Variants in LOX observed in about 807,000 individuals in gnomAD.
LOX encodes the protein lysyl oxidase, also known as protein-lysine 6-oxidase.
A neutral mutation model predicts 50.5 loss-of-function variants in LOX; 12 were observed. The observed-to-expected ratio is 0.24, with a 90% CI of 0.15 to 0.38. The LOEUF is 0.38. Among genes scored for constraint, LOX ranks in the 10% least tolerant of loss-of-function variants. The probability of loss-of-function intolerance (pLI) is 1.00; values close to 1 mark genes in which losing one functional copy is unlikely to be tolerated. For missense variants in LOX, 504 were observed against 563.8 expected (o/e 0.89, Z 1.07); for synonymous variants, 254 against 230.6 (o/e 1.10, Z -0.92).
At chr5:122,069,977 C>T in intron 6 of LOX, 76 bp downstream of exon 6, 1 of 1,013,648 alleles carries the variant, frequency 9.9e-7, no homozygotes, top group Non-Finnish European at 1.6e-6. Flanking sequence ...GAAACAGATA[C>T]ATTCTATGTA....
rs926517108 is a variant in LOX at position 122,066,102 on chromosome 5, G to A, written c.*641C>T. ...TTGACTCAAGTCAAAATGAAATTGT[G>A]CACTTGAAAGAAAGGAAGTTATCTA... On this transcript the variant is annotated 3_prime_UTR_variant, in exon 7 of 7. Transcript: ENST00000231004. 2 of 152,044 alleles carry A rather than the reference G, an allele frequency of 1.3e-5. No homozygotes were observed. The highest frequency in any genetic ancestry group is 6.6e-5 in the Admixed American group (1 of 15,244). The allele number at this position is 152,044 out of a possible 1,614,324, so 9.4% of individuals were successfully genotyped here.
intron 2 of LOX, among the ~76,000 whole-genome samples, chr5:122,076,316 T>C (rs1005851198): frequency 6.6e-6 from 1 of 152,214 alleles, no homozygotes; most frequent in African/African-American, 2.4e-5. Context: ...CTCTGCTGTT[T>C]CCCAGCAGTA....
intron 4 of LOX, among the ~76,000 whole-genome samples, chr5:122,073,102 C>T (rs2152588998): frequency 1.3e-5 from 2 of 152,290 alleles, no homozygotes. Context: ...AAACAGCTTC[C>T]TGCCACAGCC....
intron 6 of LOX, 91 bp from the exon 7 acceptor site, chr5:122,066,840 A>C (rs1310215637): frequency 1.3e-6 from 1 of 789,854 alleles, no homozygotes; most frequent in Non-Finnish European, 2.2e-6. Context: ...CCTTTTAAAA[A>C]CTTTATGCAA....
At chr5:122,068,578 G>A (rs6863233) in intron 6 of LOX, among the ~76,000 whole-genome samples, 3,575 of 152,246 alleles carry the variant, frequency 0.023, 140 homozygotes, top group African/African-American at 0.081. Flanking sequence ...GTGAGAGGCT[G>A]CAAGGTGGCA....
intron 2 of LOX, 107 bp downstream of exon 2, chr5:122,076,786 C>G (rs993585576): frequency 1.7e-5 from 15 of 907,262 alleles, no homozygotes; most frequent in East Asian, 2.5e-5. Flanking sequence ...GCTCTTGTCC[C>G]ACTTCCTAAC....
At chr5:122,066,786 C>A in intron 6 of LOX, 37 bp from the exon 7 acceptor site, 1 of 1,365,096 alleles carries the variant, frequency 7.3e-7, no homozygotes, top group Non-Finnish European at 1.0e-6. Context: ...AATTATTAAC[C>A]TGATAATATA....
rs372184900 is a variant in LOX at position 122,077,323 on chromosome 5, C to A, written c.631+32G>T. ...GCCACATAGCTGGGGACCAGGTGCA[C>A]GGGTGCTTCCAGCGGACTTGGGGGT... On this transcript the variant is annotated intron_variant, in intron 1 of 6. Coordinates refer to ENST00000231004, the MANE Select transcript of LOX (RefSeq NM_002317.7). This position sits in a 1 kb window ranked among gnomAD's most constrained non-coding sequence, Gnocchi z 4.9. The A allele has an allele frequency of 2.5e-6, 4 of 1,612,874 alleles. No individual in the cohort carries two copies. The highest frequency in any genetic ancestry group is 3.4e-6 in the Non-Finnish European group (4 of 1,179,806).
At chr5:122,069,984 T>C (rs757576137) in intron 6 of LOX, 69 bp downstream of exon 6, 5 of 1,041,690 alleles carry the variant, frequency 4.8e-6, no homozygotes, top group Admixed American at 3.4e-5. Context: ...ATACATTCTA[T>C]GTATAATGTT....
chr5:122,068,980 G>A (rs1368011543), intron 6 of LOX, among the ~76,000 whole-genome samples: 1 of 152,024 alleles, frequency 6.6e-6, no homozygotes, highest in African/African-American at 2.4e-5. Context: ...CACACAATAT[G>A]GGCCATAAAA....
In LOX at chr5:122,065,944, C is replaced by G. The variant is rs1288812876; in HGVS notation, c.*799G>C. 1 of 151,948 alleles carries G rather than the reference C, an allele frequency of 6.6e-6. No individual in the cohort carries two copies. The highest frequency in any genetic ancestry group is 1.9e-4 in the East Asian group (1 of 5,172). 9.4% of individuals were successfully genotyped at this position (151,948 alleles called of 1,614,324 possible). A position where few individuals can be genotyped will look rare whatever the true frequency, so the allele number is the denominator to read the frequency against. ...ACGGCTGCCTTATGTATACCAGTCC[C>G]AAGAATGGTGATATTAAGAATCCCA... On this transcript the variant is annotated 3_prime_UTR_variant, in exon 7 of 7. Transcript: ENST00000231004.
intron 6 of LOX, among the ~76,000 whole-genome samples, chr5:122,068,047 T>G (rs1410657842): frequency 6.6e-6 from 1 of 152,052 alleles, no homozygotes; most frequent in Non-Finnish European, 1.5e-5. Flanking sequence ...CCACTCAGAA[T>G]AAGTATGACA....
chr5:122,072,916 G>GCA (rs1754492284), intron 4 of LOX, among the ~76,000 whole-genome samples: 1 of 152,192 alleles, frequency 6.6e-6, no homozygotes, highest in East Asian at 1.9e-4. Context: ...CACAGGACTT[G>GCA]CAGATCACTG....
At position 122,076,880 on chromosome 5, in the gene LOX, TATC is replaced by T. The variant is rs1561420714; in HGVS notation, c.740+10_740+12del. ...AGACCGGGGAGCGGGGCCTCAGACATATCAGCCCGTACCTGGCCAGACAGTTTT... is the reference window on the plus strand; with the variant it reads ...AGACCGGGGAGCGGGGCCTCAGACATAGCCCGTACCTGGCCAGACAGTTTT... On this transcript the variant is annotated intron_variant, in intron 2 of 6. Transcript: ENST00000231004. 4 of 1,612,624 alleles carry T rather than the reference TATC, an allele frequency of 2.5e-6. 1 individual carries two copies. Among genetic ancestry groups the T allele is most frequent in the Admixed American group, 3.3e-5 (2 of 60,014 alleles).
intron 4 of LOX, among the ~76,000 whole-genome samples, chr5:122,071,193 A>ATGTG (rs35544795): frequency 0.019 from 2,887 of 149,920 alleles, 56 homozygotes; most frequent in African/African-American, 0.051. Context: ...AAACATTTAT[A>ATGTG]TGTGTGTGTG....
In LOX at chr5:122,077,991, CT is replaced by C; in HGVS notation, c.-7del. The C allele has an allele frequency of 6.9e-7, 1 of 1,446,410 alleles. No individual in the cohort carries two copies. The allele number at this position is 1,446,410 out of a possible 1,614,324, so 89.6% of individuals were successfully genotyped here. A position where few individuals can be genotyped will look rare whatever the true frequency, so the allele number is the denominator to read the frequency against. On this transcript the variant is annotated 5_prime_UTR_variant, in exon 1 of 7. Transcript: ENST00000231004. The surrounding 1 kb of genome is among the most constrained non-coding windows in gnomAD (Gnocchi z 4.9). ...ACGGTCCAGGCGAAGCGCATCACTC[CT>C]TTTGCCAGATTGACCCCGCTCGAGG...
rs1309313423 is a variant in LOX at position 122,077,680 on chromosome 5, C to T, written c.306G>A (p.Ala102=). ...LLIRDNRTAA[A]RTRTAGSSGV... ...CAGATGAGCCGGCCGTCCGCGTTCG[C>T]GCCGCGGCGGTGCGGTTGTCGCGGA... Residue 102 remains alanine (A), a synonymous_variant, in exon 1 of 7, where the codon GCG becomes GCA. Transcript: ENST00000231004. This position sits in a 1 kb window ranked among gnomAD's most constrained non-coding sequence, Gnocchi z 4.9. 2 of 1,601,486 alleles carry T rather than the reference C, an allele frequency of 1.2e-6. No individual in the cohort carries two copies. The highest frequency in any genetic ancestry group is 2.2e-5 in the South Asian group (2 of 90,284).
intron 6 of LOX, among the ~76,000 whole-genome samples, chr5:122,069,413 A>C (rs1384487386): frequency 6.6e-6 from 1 of 152,080 alleles, no homozygotes; most frequent in African/African-American, 2.4e-5. Context: ...ATGCAGTCAA[A>C]CCTACCCAAC....
In LOX at chr5:122,077,665, G is replaced by C; in HGVS notation, c.321C>G (p.Ala107=). 1 of 1,605,502 alleles carries C rather than the reference G, an allele frequency of 6.2e-7. No individual in the cohort carries two copies. The highest frequency in any genetic ancestry group is 8.5e-7 in the Non-Finnish European group (1 of 1,177,270). ...NRTAAARTRT[A]GSSGVTAGRP... is the part of the protein sequence containing the mutation. Reference sequence around the variant, plus strand: ...GGCCAGCGGTGACTCCAGATGAGCCGGCCGTCCGCGTTCGCGCCGCGGCGG... The same window carrying C: ...GGCCAGCGGTGACTCCAGATGAGCCCGCCGTCCGCGTTCGCGCCGCGGCGG... Residue 107 remains alanine, a synonymous_variant, in exon 1 of 7, where the codon GCC becomes GCG. Coordinates refer to ENST00000231004, the MANE Select transcript of LOX (RefSeq NM_002317.7). This position sits in a 1 kb window ranked among gnomAD's most constrained non-coding sequence, Gnocchi z 4.9.
Sources: gnomAD v4.1 joint callset for allele counts (sites outside exome capture counted in the v4.1 genomes callset) on GRCh38, gnomAD v4.1.1 for gene constraint, Gnocchi (gnomAD v3.1) non-coding constraint, MANE v1.5 for transcripts, NCBI Gene and HGNC (gene_info 2026-07-23, HGNC 2026-07-21) for gene names.